Variants in YWHAG observed in about 807,000 individuals in gnomAD.
The protein encoded by YWHAG is tyrosine 3-monooxygenase/tryptophan 5-monooxygenase activation protein gamma, also known as 14-3-3 protein gamma.
A neutral mutation model predicts 23.3 loss-of-function variants in YWHAG; 1 was observed. That is an observed-to-expected ratio of 0.04 (90% CI 0.02 to 0.20). YWHAG has a LOEUF of 0.20. Ranked by LOEUF, YWHAG falls within the 10% of genes least tolerant of loss-of-function variation. YWHAG has a pLI of 1.00. For synonymous variants in YWHAG, 160 were observed against 144.0 expected, an observed-to-expected ratio of 1.11 and a Z score of -0.80; for missense variants, 151 against 338.6, an observed-to-expected ratio of 0.45 and a Z score of 4.35.
intron 1 of YWHAG, among the ~76,000 whole-genome samples, chr7:76,335,040 G>C (rs1803596650): frequency 6.6e-6 from 1 of 152,054 alleles, no homozygotes; most frequent in South Asian, 2.1e-4. Flanking sequence ...ACAAGCTCAA[G>C]TTCAAATTTC....
intron 1 of YWHAG, among the ~76,000 whole-genome samples, chr7:76,334,954 T>C (rs760337993): frequency 2.0e-5 from 3 of 152,208 alleles, no homozygotes; most frequent in Admixed American, 6.5e-5. Context: ...TGTTGGAAAA[T>C]GTAGAAAGTT....
At chr7:76,351,120 T>C (rs752978248) in intron 1 of YWHAG, among the ~76,000 whole-genome samples, 2 of 152,084 alleles carry the variant, frequency 1.3e-5, no homozygotes, top group African/African-American at 2.4e-5. Context: ...TGTGAATCAT[T>C]ATGGTGATTC....
intron 1 of YWHAG, among the ~76,000 whole-genome samples, chr7:76,338,715 C>T (rs978152277): frequency 2.0e-5 from 3 of 151,900 alleles, no homozygotes; most frequent in African/African-American, 4.8e-5. Context: ...AAAAAAGGAA[C>T]GGAGAAAAGG....
intron 1 of YWHAG, among the ~76,000 whole-genome samples, chr7:76,331,821 T>A (rs1430372985): frequency 1.3e-5 from 2 of 150,446 alleles, no homozygotes; most frequent in African/African-American, 4.9e-5. Context: ...CTGGCCAACA[T>A]AACAAGGCCC....
chr7:76,349,925 G>A (rs868758133), intron 1 of YWHAG, among the ~76,000 whole-genome samples: 12 of 152,018 alleles, frequency 7.9e-5, no homozygotes, highest in Non-Finnish European at 1.3e-4. Context: ...ATCCAGGAGG[G>A]GGAGGTTGCA....
At chr7:76,341,891 A>T (rs567508265) in intron 1 of YWHAG, among the ~76,000 whole-genome samples, 1 of 152,212 alleles carries the variant, frequency 6.6e-6, no homozygotes, top group African/African-American at 2.4e-5. Flanking sequence ...TGTAAACTAT[A>T]TCTCAACAAA....
At chr7:76,348,243 TAAAAC>T (rs1803815965) in intron 1 of YWHAG, among the ~76,000 whole-genome samples, 1 of 148,692 alleles carries the variant, frequency 6.7e-6, no homozygotes, top group Admixed American at 6.8e-5. Context: ...AACAAAAACT[TAAAAC>T]AAGAGCCTTA....
chr7:76,335,050 C>CTTATTT (rs930863574), intron 1 of YWHAG, among the ~76,000 whole-genome samples: 3 of 151,982 alleles, frequency 2.0e-5, no homozygotes, highest in Non-Finnish European at 4.4e-5. Context: ...GTTCAAATTT[C>CTTATTT]TTATTTTTAT....
intron 1 of YWHAG, among the ~76,000 whole-genome samples, chr7:76,335,163 T>C (rs1355742055): frequency 6.6e-6 from 1 of 152,144 alleles, no homozygotes; most frequent in Non-Finnish European, 1.5e-5. Flanking sequence ...GTTCAAGCGA[T>C]TCTCCTGCCT....
chr7:76,348,079 A>G (rs1472088935), intron 1 of YWHAG, among the ~76,000 whole-genome samples: 3 of 152,160 alleles, frequency 2.0e-5, no homozygotes, highest in Admixed American at 6.5e-5. Flanking sequence ...CACCACCTCA[A>G]GGTTAACCAA....
intron 1 of YWHAG, among the ~76,000 whole-genome samples, chr7:76,344,844 A>C (rs1049942913): frequency 6.6e-6 from 1 of 152,146 alleles, no homozygotes; most frequent in African/African-American, 2.4e-5. Flanking sequence ...CCCCACTCTT[A>C]CCTATAAGAC....
chr7:76,358,085 G>A (rs535808452), intron 1 of YWHAG, among the ~76,000 whole-genome samples: 1 of 152,352 alleles, frequency 6.6e-6, no homozygotes, highest in Non-Finnish European at 1.5e-5. Context: ...CTTGCTTTGG[G>A]CGAATGGAGA....
At position 76,329,527 on chromosome 7, in the gene YWHAG, T is replaced by C. The variant is rs1488590194; in HGVS notation, c.*50A>G. The C allele has an allele frequency of 1.2e-6, 1 of 854,106 alleles. No individual in the cohort carries two copies. The highest frequency in any genetic ancestry group is 1.7e-6 in the Non-Finnish European group (1 of 604,376). 52.9% of individuals were successfully genotyped at this position (854,106 alleles called of 1,614,324 possible). On this transcript the variant is annotated 3_prime_UTR_variant, in exon 2 of 2. Transcript: ENST00000307630. This position sits in a 1 kb window ranked among gnomAD's most constrained non-coding sequence, Gnocchi z 6.1. The stretch of plus-strand genomic sequence containing the variant: ...CGACCCCCAACTCATGGGAAAAAAA[T>C]AAAGACTGCAGTAGTAGCATCCGCG...
Position 76,335,606 on chromosome 7 carries a change from C to T in YWHAG, c.88-5373G>A, listed in dbSNP as rs374751651. Reference sequence around the variant, plus strand: ...CTTAGATGACTTTCTGACCTTAAGCCATGGAGTACCAGGTCATTCACAATT... The same window carrying T: ...CTTAGATGACTTTCTGACCTTAAGCTATGGAGTACCAGGTCATTCACAATT... On this transcript the variant is annotated intron_variant, in intron 1 of 1. Transcript: ENST00000307630. Among the ~76,000 whole-genome samples the T allele has an allele frequency of 3.3e-5, 5 of 152,298 alleles. No individual in the cohort carries two copies. The South Asian group carries it at 6.2e-4, about 19-fold the overall frequency.
At chr7:76,345,949 A>T (rs1249043180) in intron 1 of YWHAG, among the ~76,000 whole-genome samples, 1 of 152,202 alleles carries the variant, frequency 6.6e-6, no homozygotes, top group Non-Finnish European at 1.5e-5. Flanking sequence ...TCAAAAAAAA[A>T]TTTAAAAATA....
rs1422674540 is a variant in YWHAG, at chr7:76,329,795, C to T, written c.526G>A (p.Ala176Thr). The change falls in exon 2 of 2, where the codon GCT becomes ACT. Residue 176 changes from alanine (A) to threonine (T), a missense_variant. Physicochemically the swap from Ala to Thr is moderately conservative, Grantham distance 58 (BLOSUM62 0). Coordinates refer to ENST00000307630, the MANE Select transcript of YWHAG (RefSeq NM_012479.4). The surrounding 1 kb of genome is among the most constrained non-coding windows in gnomAD (Gnocchi z 6.1). ...QPTHPIRLGLALNYSVFYYEI... is the reference protein window; with the variant it reads ...QPTHPIRLGLTLNYSVFYYEI... ...TAGTAGAAGACGGAGTAGTTAAGAGCCAGGCCTAATCGGATGGGGTGGGTG... is the reference window on the plus strand; with the variant it reads ...TAGTAGAAGACGGAGTAGTTAAGAGTCAGGCCTAATCGGATGGGGTGGGTG... The T allele has an allele frequency of 1.2e-6, 2 of 1,613,356 alleles. No individual in the cohort carries two copies. The highest frequency in any genetic ancestry group is 1.7e-6 in the Non-Finnish European group (2 of 1,179,984).
chr7:76,339,339 G>A (rs112639416), intron 1 of YWHAG, among the ~76,000 whole-genome samples: 4,081 of 152,138 alleles, frequency 0.027, 177 homozygotes, highest in African/African-American at 0.094. Flanking sequence ...GCATGGTGAC[G>A]CACACCTGTA....
At chr7:76,342,317 G>A (rs1803709498) in intron 1 of YWHAG, among the ~76,000 whole-genome samples, 1 of 152,136 alleles carries the variant, frequency 6.6e-6, no homozygotes, top group African/African-American at 2.4e-5. Flanking sequence ...AACACACTAA[G>A]AGAACTCACT....
intron 1 of YWHAG, among the ~76,000 whole-genome samples, chr7:76,330,739 G>A (rs1803530606): frequency 6.6e-6 from 1 of 152,166 alleles, no homozygotes; most frequent in Non-Finnish European, 1.5e-5. Flanking sequence ...CCAAATAAGG[G>A]GCATAGGATT....
Sources: allele counts gnomAD v4.1 joint callset (sites outside exome capture counted in the v4.1 genomes callset), GRCh38; gene constraint gnomAD v4.1.1; non-coding constraint Gnocchi (gnomAD v3.1); transcripts MANE v1.5; gene names NCBI Gene and HGNC (gene_info 2026-07-23, HGNC 2026-07-21).